RPTOR: variants seen among roughly 807,000 people sequenced by gnomAD.
The protein encoded by RPTOR is regulatory-associated protein of mTOR.
RPTOR carries 21 observed loss-of-function variants against 169.9 expected under a neutral mutation model. That is an observed-to-expected ratio of 0.12 (90% CI 0.09 to 0.18). The LOEUF (loss-of-function observed/expected upper bound fraction) is 0.18. RPTOR is among the 10% of genes least tolerant of loss of function. RPTOR has a pLI of 1.00. For missense variants in RPTOR, 1,133 were observed against 1,855.9 expected (o/e 0.61, Z 7.16); for synonymous variants, 732 against 753.2 (o/e 0.97, Z 0.46).
rs1297941814 is a variant in RPTOR at position 80,561,263 on chromosome 17, G to GTGTATATATATATATATA, written c.162+15473_162+15474insGTATATATATATATATAT. On this transcript the variant is annotated intron_variant, in intron 1 of 33. Coordinates refer to ENST00000306801, the MANE Select transcript of RPTOR (RefSeq NM_020761.3). ...TTTATATATATATGTATATATATATGTATATATATATATATATATATATAT... is the reference window on the plus strand; with the variant it reads ...TTTATATATATATGTATATATATATGTGTATATATATATATATATATATATATATATATATATATATAT... Among the ~76,000 whole-genome samples the GTGTATATATATATATATA allele has an allele frequency of 9.0e-3, 176 of 19,604 alleles. 2 individuals are homozygous for GTGTATATATATATATATA. Among genetic ancestry groups the GTGTATATATATATATATA allele is most frequent in the African/African-American group, 0.015 (167 of 10,934 alleles). 12.9% of individuals were successfully genotyped at this position (19,604 alleles called of 152,430 possible).
intron 1 of RPTOR, among the ~76,000 whole-genome samples, chr17:80,611,589 C>T (rs1281276519): frequency 1.3e-5 from 2 of 152,128 alleles, no homozygotes; most frequent in Non-Finnish European, 1.5e-5. Context: ...TGATTTTCTT[C>T]CTGAATACTC....
At chr17:80,599,660 C>T (rs192421703) in intron 1 of RPTOR, among the ~76,000 whole-genome samples, 3 of 152,212 alleles carry the variant, frequency 2.0e-5, no homozygotes, top group Non-Finnish European at 2.9e-5. Flanking sequence ...TGTGAGAAGG[C>T]ACTGCAGACG....
intron 4 of RPTOR, among the ~76,000 whole-genome samples, chr17:80,711,030 A>G (rs145941579): frequency 1.3e-5 from 2 of 152,246 alleles, no homozygotes; most frequent in Admixed American, 6.5e-5. Flanking sequence ...AGCTTCTTTC[A>G]TGGTTAAAGG....
intron 6 of RPTOR, among the ~76,000 whole-genome samples, chr17:80,790,145 T>G (rs1419415509): frequency 6.6e-6 from 1 of 152,160 alleles, no homozygotes; most frequent in Non-Finnish European, 1.5e-5. Flanking sequence ...AGGAGACCAC[T>G]CAGAGTGGCA....
intron 13 of RPTOR, among the ~76,000 whole-genome samples, chr17:80,864,280 AGGTTTCTTCTT>A (rs1428764299): frequency 1.5e-4 from 21 of 139,224 alleles, no homozygotes; most frequent in African/African-American, 2.6e-4. Context: ...GAATGACGGC[AGGTTTCTTCTT>A]ACAGATTTCC....
At chr17:80,556,976 A>T (rs2084417602) in intron 1 of RPTOR, among the ~76,000 whole-genome samples, 1 of 152,064 alleles carries the variant, frequency 6.6e-6, no homozygotes, top group African/African-American at 2.4e-5. Context: ...GGTGCCTGTA[A>T]TCTCAGCTAC....
intron 1 of RPTOR, among the ~76,000 whole-genome samples, chr17:80,566,259 G>C (rs2084588956): frequency 6.6e-6 from 1 of 152,148 alleles, no homozygotes; most frequent in South Asian, 2.1e-4. Flanking sequence ...CCCAATGTTT[G>C]GTGCCTGTCT....
At chr17:80,736,484 C>A (rs1181881313) in intron 5 of RPTOR, among the ~76,000 whole-genome samples, 1 of 152,196 alleles carries the variant, frequency 6.6e-6, no homozygotes, top group African/African-American at 2.4e-5. Flanking sequence ...ATAGGTGATA[C>A]ATTGGCCTCC....
chr17:80,696,672 G>GGCCTCTT (rs1367529868), intron 3 of RPTOR, among the ~76,000 whole-genome samples: 1 of 152,212 alleles, frequency 6.6e-6, no homozygotes, highest in Non-Finnish European at 1.5e-5. Context: ...ATTTTCTCTT[G>GGCCTCTT]GCCTCTTTGC....
At chr17:80,665,172 C>T (rs1462916803) in intron 3 of RPTOR, among the ~76,000 whole-genome samples, 1 of 152,100 alleles carries the variant, frequency 6.6e-6, no homozygotes, top group Non-Finnish European at 1.5e-5. Flanking sequence ...ACTGGGCTTC[C>T]TCTCCATTAT....
At chr17:80,768,999 C>G (rs140679108) in intron 6 of RPTOR, among the ~76,000 whole-genome samples, 181 of 152,334 alleles carry the variant, frequency 1.2e-3, no homozygotes, top group African/African-American at 4.2e-3. Flanking sequence ...CATTTTCATC[C>G]TCATTTTACT....
At chr17:80,661,655 C>A (rs1422227519) in intron 3 of RPTOR, among the ~76,000 whole-genome samples, 1 of 152,148 alleles carries the variant, frequency 6.6e-6, no homozygotes, top group East Asian at 1.9e-4. Context: ...TGTTAAGTTT[C>A]TTCTTAGAGC....
At chr17:80,598,156 G>A (rs774488512) in intron 1 of RPTOR, among the ~76,000 whole-genome samples, 8 of 151,838 alleles carry the variant, frequency 5.3e-5, no homozygotes, top group Non-Finnish European at 1.2e-4. Flanking sequence ...AAAAAGATTC[G>A]TCTGCTTGAG....
chr17:80,856,645 T>G (rs2067855514), intron 12 of RPTOR, among the ~76,000 whole-genome samples: 1 of 152,192 alleles, frequency 6.6e-6, no homozygotes, highest in Non-Finnish European at 1.5e-5. Context: ...GGAGGAAGGC[T>G]GGCGTGACTC....
At position 80,708,913 on chromosome 17, in the gene RPTOR, T is replaced by C; in HGVS notation, c.507+914T>C. Reference sequence around the variant, plus strand: ...GCCTCCTGGGCTTCTGCTTCCTTAGTGTGGACACCGCCTCCTGCCATCATA... The same window carrying C: ...GCCTCCTGGGCTTCTGCTTCCTTAGCGTGGACACCGCCTCCTGCCATCATA... On this transcript the variant is annotated intron_variant, in intron 4 of 33. Coordinates refer to ENST00000306801, the MANE Select transcript of RPTOR (RefSeq NM_020761.3). This position sits in a 1 kb window ranked among gnomAD's most constrained non-coding sequence, Gnocchi z 4.2. 1.0e-6 allele frequency: 1 copy of C among 985,650 alleles called. No homozygotes were observed. The highest frequency in any genetic ancestry group is 1.2e-6 in the Non-Finnish European group (1 of 829,836). 61.1% of individuals were successfully genotyped at this position (985,650 alleles called of 1,614,324 possible).
intron 24 of RPTOR, among the ~76,000 whole-genome samples, chr17:80,929,613 C>G (rs542824578): frequency 6.6e-6 from 1 of 152,334 alleles, no homozygotes; most frequent in East Asian, 1.9e-4. Flanking sequence ...TTGTTTTGCC[C>G]TGAGAGCATC....
At chr17:80,886,026 A>T (rs1384057854) in intron 17 of RPTOR, among the ~76,000 whole-genome samples, 1 of 152,228 alleles carries the variant, frequency 6.6e-6, no homozygotes, top group Non-Finnish European at 1.5e-5. Context: ...CAGAGAACTC[A>T]TCTGACAGCT....
chr17:80,697,518 G>A lies in RPTOR; in HGVS notation c.349-10323G>A, dbSNP rs1016870475. 5.3e-5 allele frequency among the ~76,000 whole-genome samples: 8 copies of A among 152,370 alleles called. No individual in the cohort carries two copies. The East Asian group carries it at 1.5e-3, about 29-fold the overall frequency. On this transcript the variant is annotated intron_variant, in intron 3 of 33. Transcript: ENST00000306801. ...ATCAGAAGCACCTTGTGAGCCCCAG[G>A]GAGCTGGTGAGGACCTTGTAAGGGA...
intron 7 of RPTOR, among the ~76,000 whole-genome samples, chr17:80,810,316 A>G (rs1043336397): frequency 3.3e-5 from 5 of 152,132 alleles, no homozygotes; most frequent in Non-Finnish European, 5.9e-5. Context: ...ATCCGTTTCA[A>G]GTTGTTTTTT....
Sources: gnomAD v4.1 joint callset for allele counts (sites outside exome capture counted in the v4.1 genomes callset) on GRCh38, gnomAD v4.1.1 for gene constraint, Gnocchi (gnomAD v3.1) non-coding constraint, MANE v1.5 for transcripts, NCBI Gene and HGNC (gene_info 2026-07-23, HGNC 2026-07-21) for gene names.